Variants in NHS observed in about 807,000 individuals in gnomAD.
The protein encoded by NHS is NHS actin remodeling regulator, also known as actin remodeling regulator NHS.
A neutral mutation model predicts 72.5 loss-of-function variants in NHS; 5 were observed. The ratio of observed to expected loss-of-function variants is 0.07; its 90% CI spans 0.04 to 0.14. NHS has a LOEUF of 0.14. Among genes scored for constraint, NHS ranks in the 10% least tolerant of loss-of-function variants. The probability of loss-of-function intolerance (pLI) is 1.00; values close to 1 mark genes in which losing one functional copy is unlikely to be tolerated. For missense variants in NHS, 1,072 were observed against 1,355.7 expected (o/e 0.79, Z 3.29); for synonymous variants, 464 against 547.7 (o/e 0.85, Z 2.13).
At chrX:17,404,252 A>G (rs2064516959) in intron 1 of NHS, among the ~76,000 whole-genome samples, 1 of 111,758 alleles carries the variant, frequency 8.9e-6, no homozygotes, top group Non-Finnish European at 1.9e-5. Context: ...AGAGGGATAT[A>G]AATTAGAAAG....
At chrX:17,382,216 C>T (rs895352151) in intron 1 of NHS, among the ~76,000 whole-genome samples, 1 of 111,221 alleles carries the variant, frequency 9.0e-6, no homozygotes, top group Non-Finnish European at 1.9e-5. Flanking sequence ...ATTTCATCGC[C>T]CAGGTAATTG....
At chrX:17,553,335 C>A (rs1020567756) in intron 1 of NHS, among the ~76,000 whole-genome samples, 1 of 112,773 alleles carries the variant, frequency 8.9e-6, no homozygotes, top group Non-Finnish European at 1.9e-5. Context: ...GCCCTGAGGG[C>A]GTTTGATCCA....
intron 7 of NHS, 124 bp from the exon 8 acceptor site, chrX:17,728,525 T>A (rs1459285457): frequency 3.9e-6 from 4 of 1,032,851 alleles, no homozygotes; most frequent in East Asian, 6.1e-5. Context: ...CTCTCATTTT[T>A]AAAAAATGGC....
intron 1 of NHS, among the ~76,000 whole-genome samples, chrX:17,460,855 A>G (rs1054493866): frequency 8.9e-6 from 1 of 112,109 alleles, no homozygotes. Flanking sequence ...GTTATCAGCA[A>G]TTACAGATGA....
At chrX:17,699,975 T>C (rs1466394106) in intron 3 of NHS, among the ~76,000 whole-genome samples, 1 of 111,752 alleles carries the variant, frequency 8.9e-6, no homozygotes, top group African/African-American at 3.3e-5. Context: ...GGAGAAGATA[T>C]GTGCAACAGA....
chrX:17,599,380 T>A (rs1167842450), intron 1 of NHS, among the ~76,000 whole-genome samples: 1 of 111,812 alleles, frequency 8.9e-6, no homozygotes, highest in Non-Finnish European at 1.9e-5. Flanking sequence ...ACATTTGGAA[T>A]CTTCTGTCTT....
chrX:17,617,956 G>A (rs924767561), intron 1 of NHS, among the ~76,000 whole-genome samples: 1 of 112,095 alleles, frequency 8.9e-6, no homozygotes, highest in Non-Finnish European at 1.9e-5. Flanking sequence ...GCTATGGCGG[G>A]AATTACAGCT....
In NHS at chrX:17,723,726, GGTGTGTGTGTGT is replaced by G. The variant is rs3222310; in HGVS notation, c.1109-539_1109-528del. Among the ~76,000 whole-genome samples the G allele has an allele frequency of 2.7e-4, 19 of 71,070 alleles. 1 individual carries two copies. Among genetic ancestry groups the G allele is most frequent in the South Asian group, 1.1e-3 (1 of 933 alleles). The allele number at this position is 71,070 out of a possible 115,157, so 61.7% of individuals were successfully genotyped here. ...TGTTGAGTTTCCTCACAGCAAAAGA[GGTGTGTGTGTGT>G]GTGTGTGTGTGTGTGTGTGTGTGTG... On this transcript the variant is annotated intron_variant, in intron 5 of 8. Transcript: ENST00000676302.
intron 1 of NHS, among the ~76,000 whole-genome samples, chrX:17,655,748 A>C (rs2065951007): frequency 8.9e-6 from 1 of 112,644 alleles, no homozygotes; most frequent in Admixed American, 9.3e-5. Flanking sequence ...CGTCCCGCCC[A>C]GGTCTCCCGG....
At chrX:17,463,935 C>T (rs1446436312) in intron 1 of NHS, among the ~76,000 whole-genome samples, 1 of 112,336 alleles carries the variant, frequency 8.9e-6, no homozygotes, top group South Asian at 3.7e-4. Flanking sequence ...GCATTCCTTT[C>T]TCCTGGGTGT....
chrX:17,536,897 C>T (rs2065227670), intron 1 of NHS, among the ~76,000 whole-genome samples: 1 of 111,924 alleles, frequency 8.9e-6, no homozygotes, highest in Non-Finnish European at 1.9e-5. Flanking sequence ...GACCATGCTA[C>T]CAGGCTTTTA....
intron 1 of NHS, among the ~76,000 whole-genome samples, chrX:17,419,740 G>A (rs985171887): frequency 9.0e-6 from 1 of 111,731 alleles, no homozygotes; most frequent in Non-Finnish European, 1.9e-5. Context: ...CCAACCAACT[G>A]TAAGGTATGT....
intron 1 of NHS, among the ~76,000 whole-genome samples, chrX:17,554,523 C>T (rs1414647597): frequency 8.9e-6 from 1 of 112,594 alleles, no homozygotes; most frequent in East Asian, 2.8e-4. Flanking sequence ...AAGGGCAGTC[C>T]CTGCCTGGTC....
At chrX:17,454,136 C>T (rs1407299231) in intron 1 of NHS, among the ~76,000 whole-genome samples, 1 of 111,752 alleles carries the variant, frequency 8.9e-6, no homozygotes, top group Non-Finnish European at 1.9e-5. Context: ...GGAAGTAGAG[C>T]AGGCAAATTT....
intron 2 of NHS, 84 bp downstream of exon 2, chrX:17,687,978 A>AAC: frequency 9.9e-7 from 1 of 1,014,704 alleles, no homozygotes; most frequent in South Asian, 2.1e-5. Flanking sequence ...CATCAGCCCC[A>AAC]ACACACCCCC....
At chrX:17,519,120 T>C (rs373073335) in intron 1 of NHS, among the ~76,000 whole-genome samples, 20 of 112,072 alleles carry the variant, frequency 1.8e-4, no homozygotes, top group East Asian at 5.6e-4. Flanking sequence ...CAGCTTCCTG[T>C]GCTGCACGAA....
chrX:17,640,137 C>T (rs867292539), intron 1 of NHS, among the ~76,000 whole-genome samples: 4 of 111,619 alleles, frequency 3.6e-5, no homozygotes, highest in African/African-American at 9.8e-5. Flanking sequence ...ACACTCTCTC[C>T]ATCCTGCAGA....
chrX:17,612,652 C>G (rs2065716956), intron 1 of NHS, among the ~76,000 whole-genome samples: 1 of 111,941 alleles, frequency 8.9e-6, no homozygotes, highest in Admixed American at 9.5e-5. Flanking sequence ...TAGATCCACA[C>G]TACTTTTGCC....
chrX:17,405,878 A>G (rs185779222), intron 1 of NHS, among the ~76,000 whole-genome samples: 38 of 112,270 alleles, frequency 3.4e-4, no homozygotes, highest in Admixed American at 3.3e-3. Context: ...CAGTTAGAGC[A>G]TCCCTGAGGC....
Sources: gnomAD v4.1 joint callset for allele counts (sites outside exome capture counted in the v4.1 genomes callset) on GRCh38, gnomAD v4.1.1 for gene constraint, MANE v1.5 for transcripts, NCBI Gene and HGNC (gene_info 2026-07-23, HGNC 2026-07-21) for gene names.